The following PPP1R42 variants were observed in gnomAD, a reference collection of about 807,000 sequenced individuals.
PPP1R42 encodes protein phosphatase 1 regulatory subunit 42.
A neutral mutation model predicts 31.0 loss-of-function variants in PPP1R42; 34 were observed. That is an observed-to-expected ratio of 1.10 (90% confidence interval 0.83 to 1.46). PPP1R42 has a LOEUF of 1.46. Ranked by LOEUF, PPP1R42 falls within the 40% of genes most tolerant of loss-of-function variation. The pLI is 0.00. For missense variants in PPP1R42, 268 were observed against 303.0 expected (o/e 0.88, Z 0.86); for synonymous variants, 103 against 109.8 (o/e 0.94, Z 0.39).
intron 7 of PPP1R42, among the ~76,000 whole-genome samples, chr8:66,972,565 C>G (rs1006563809): frequency 1.3e-5 from 2 of 151,920 alleles, no homozygotes; most frequent in African/African-American, 4.8e-5. Context: ...AATTTTTGTA[C>G]TATTAGTAGA....
intron 7 of PPP1R42, among the ~76,000 whole-genome samples, chr8:66,967,418 A>G (rs1282127153): frequency 6.6e-6 from 1 of 152,234 alleles, no homozygotes; most frequent in Admixed American, 6.5e-5. Context: ...CTTATTTTGC[A>G]TATAAAATTA....
chr8:67,014,370 TG>T (rs1425295970), intron 3 of PPP1R42, 55 bp downstream of exon 3: 1 of 1,077,246 alleles, frequency 9.3e-7, no homozygotes, highest in African/African-American at 1.6e-5. Context: ...TGCAAAAAAA[TG>T]TAAGTACCAT....
chr8:66,967,497 T>G (rs1004898410), intron 7 of PPP1R42, among the ~76,000 whole-genome samples: 1 of 152,224 alleles, frequency 6.6e-6, no homozygotes, highest in African/African-American at 2.4e-5. Context: ...CAGAGTTTTG[T>G]GACTAAAAAT....
chr8:66,977,399 G>A (rs926103160), intron 7 of PPP1R42, among the ~76,000 whole-genome samples: 48 of 150,622 alleles, frequency 3.2e-4, no homozygotes, highest in Non-Finnish European at 1.2e-4. Context: ...GTGCAGTGGC[G>A]TGATCATAGC....
At chr8:66,998,935 G>T (rs144392707) in intron 5 of PPP1R42, among the ~76,000 whole-genome samples, 5 of 152,004 alleles carry the variant, frequency 3.3e-5, no homozygotes, top group African/African-American at 1.2e-4. Flanking sequence ...GGCTTGATTT[G>T]CTAATATTTT....
intron 1 of PPP1R42, among the ~76,000 whole-genome samples, chr8:67,028,143 C>A (rs1472857223): frequency 6.6e-6 from 1 of 152,156 alleles, no homozygotes; most frequent in Non-Finnish European, 1.5e-5. Context: ...GCCACAGGCT[C>A]AGTGGCTTCC....
At chr8:66,966,395 C>T (rs557592245) in intron 7 of PPP1R42, among the ~76,000 whole-genome samples, 3 of 152,296 alleles carry the variant, frequency 2.0e-5, no homozygotes, top group South Asian at 2.1e-4. Flanking sequence ...AACTGTGTGA[C>T]GTTGGGTCCT....
At chr8:66,983,378 A>G (rs1814906584) in intron 6 of PPP1R42, among the ~76,000 whole-genome samples, 1 of 152,056 alleles carries the variant, frequency 6.6e-6, no homozygotes, top group African/African-American at 2.4e-5. Flanking sequence ...TTCCCTTATT[A>G]TAGGATATTT....
chr8:67,001,245 T>C (rs1815475957), intron 5 of PPP1R42, among the ~76,000 whole-genome samples: 1 of 149,748 alleles, frequency 6.7e-6, no homozygotes, highest in Non-Finnish European at 1.5e-5. Flanking sequence ...TTTTAAAGCA[T>C]AGATAACAAG....
At position 66,982,194 on chromosome 8, in the gene PPP1R42, C is replaced by T; in HGVS notation, c.671-14G>A. 1 of 1,309,700 alleles carries T rather than the reference C, an allele frequency of 7.6e-7. No homozygotes were observed. Among genetic ancestry groups the T allele is most frequent in the Non-Finnish European group, 1.0e-6 (1 of 999,432 alleles). The allele number at this position is 1,309,700 out of a possible 1,614,324, so 81.1% of individuals were successfully genotyped here. A position where few individuals can be genotyped will look rare whatever the true frequency, so the allele number is the denominator to read the frequency against. ...CATCAAGAAATTCTGGAGAAAAATA[C>T]ATACATTTAAAAAATACAATATATA... On this transcript the variant is annotated splice_polypyrimidine_tract_variant and intron_variant, in intron 6 of 7. Transcript: ENST00000685739.
At chr8:67,006,971 C>T (rs1346976452) in intron 5 of PPP1R42, among the ~76,000 whole-genome samples, 1 of 151,604 alleles carries the variant, frequency 6.6e-6, no homozygotes, top group Non-Finnish European at 1.5e-5. Flanking sequence ...TCTCGATCTC[C>T]TGACCTTGTG....
rs759514364 is a variant in PPP1R42, at chr8:66,982,174, A to C, written c.677T>G (p.Leu226Arg). 8.1e-5 allele frequency: 114 copies of C among 1,410,922 alleles called. 2 individuals carry two copies. Among genetic ancestry groups the C allele is most frequent in the South Asian group, 2.4e-4 (16 of 65,556 alleles). 87.4% of individuals were successfully genotyped at this position (1,410,922 alleles called of 1,614,324 possible). A position where few individuals can be genotyped will look rare whatever the true frequency, so the allele number is the denominator to read the frequency against. The change falls in exon 7 of 8, where the codon CTT (leucine) becomes CGT (arginine). Residue 226 changes from leucine (L) to arginine (R), a missense_variant. By Grantham distance (102) the Leu-to-Arg change is moderately radical. Transcript: ENST00000685739. ...LILVSKSLEF[L>R]DGKEIKNIER... ...TATATTTTTAATTTCTTTTCCATCA[A>C]GAAATTCTGGAGAAAAATACATACA...
chr8:66,986,621 T>TG (rs1815026016), intron 6 of PPP1R42, among the ~76,000 whole-genome samples: 1 of 152,206 alleles, frequency 6.6e-6, no homozygotes, highest in Non-Finnish European at 1.5e-5. Context: ...GTGAACAAGT[T>TG]GCTTGCTTTC....
At chr8:66,977,092 T>C (rs1231396935) in intron 7 of PPP1R42, among the ~76,000 whole-genome samples, 1 of 151,758 alleles carries the variant, frequency 6.6e-6, no homozygotes, top group African/African-American at 2.4e-5. Flanking sequence ...GAAGTGTAGT[T>C]GTGTGATCTC....
chr8:66,975,936 T>C (rs1040089670), intron 7 of PPP1R42, among the ~76,000 whole-genome samples: 2 of 152,186 alleles, frequency 1.3e-5, no homozygotes, highest in Non-Finnish European at 1.5e-5. Context: ...GGTCATCCTA[T>C]AGTGCAGGGG....
rs577040197 is a variant in PPP1R42 at position 66,984,943 on chromosome 8, A to G, written c.671-2763T>C. ...CAAAGTAACTGGTGTGTCATTGTCA[A>G]CTGGAGCATTGAGCTGGGCTGGATG... On this transcript the variant is annotated intron_variant, in intron 6 of 7. Coordinates refer to ENST00000685739, the MANE Select transcript of PPP1R42 (RefSeq NM_001364910.1). 1.0e-5 allele frequency: 16 copies of G among 1,537,068 alleles called. No individual in the cohort carries two copies. In the East Asian group the frequency reaches 2.7e-4, roughly 26 times the overall value.
At chr8:67,013,176 C>G in intron 3 of PPP1R42, 80 bp from the exon 4 acceptor site, 1 of 1,148,328 alleles carries the variant, frequency 8.7e-7, no homozygotes, top group Non-Finnish European at 1.2e-6. Flanking sequence ...AGTGTAATAA[C>G]AAAATCACTG....
chr8:66,977,413 C>G (rs1043577035), intron 7 of PPP1R42, among the ~76,000 whole-genome samples: 1 of 151,542 alleles, frequency 6.6e-6, no homozygotes, highest in African/African-American at 2.4e-5. Flanking sequence ...TCATAGCTCA[C>G]TGCAGCTTCA....
intron 7 of PPP1R42, among the ~76,000 whole-genome samples, chr8:66,981,077 T>G (rs11993060): frequency 0.12 from 18,714 of 151,824 alleles, 2,255 homozygotes; most frequent in African/African-American, 0.31. Flanking sequence ...CCTGACCTCA[T>G]GTGATCTGCC....
Sources: allele counts gnomAD v4.1 joint callset (sites outside exome capture counted in the v4.1 genomes callset), GRCh38; gene constraint gnomAD v4.1.1; transcripts MANE v1.5; gene names NCBI Gene and HGNC (gene_info 2026-07-23, HGNC 2026-07-21).